Variants in C8orf34 observed in about 807,000 individuals in gnomAD.
C8orf34 encodes the protein uncharacterized protein C8orf34.
C8orf34 carries 65 observed loss-of-function variants against 68.3 expected under a neutral mutation model. The ratio of observed to expected loss-of-function variants is 0.95; its 90% CI spans 0.78 to 1.17. The LOEUF is 1.17. C8orf34 is among the 50% of genes most tolerant of loss of function. C8orf34 has a pLI of 0.00. For missense variants in C8orf34, 664 were observed against 655.4 expected, an observed-to-expected ratio of 1.01 and a Z score of -0.14; for synonymous variants, 244 against 241.2, an observed-to-expected ratio of 1.01 and a Z score of -0.11.
At chr8:68,365,114 A>C (rs1435716157) in intron 1 of C8orf34, among the ~76,000 whole-genome samples, 5 of 147,160 alleles carry the variant, frequency 3.4e-5, no homozygotes, top group Admixed American at 6.8e-5. Context: ...AATACTACAA[A>C]CACCTCTACG....
chr8:68,658,018 A>T (rs1030627681), intron 8 of C8orf34, among the ~76,000 whole-genome samples: 4 of 152,068 alleles, frequency 2.6e-5, no homozygotes, highest in African/African-American at 9.7e-5. Flanking sequence ...TTTTTTCTTT[A>T]TGAGCAAGAA....
chr8:68,462,981 C>CA (rs1187117951), intron 3 of C8orf34, among the ~76,000 whole-genome samples: 5 of 151,852 alleles, frequency 3.3e-5, no homozygotes, highest in African/African-American at 1.2e-4. Flanking sequence ...GAAAACCCTT[C>CA]AAAAAATTAA....
In C8orf34 at chr8:68,787,672, A is replaced by G. The variant is rs931635504; in HGVS notation, c.1549+136A>G. On this transcript the variant is annotated intron_variant, in intron 12 of 13. Coordinates refer to ENST00000518698, the MANE Select transcript of C8orf34 (RefSeq NM_052958.4). ...CAGACTCTGTTAGGAAGAACATGTA[A>G]AGACAAGCTATCCTTCAGGTCTATG... 8.4e-5 allele frequency: 46 copies of G among 547,174 alleles called. No homozygotes were observed. In the South Asian group the frequency reaches 1.2e-3, roughly 14 times the overall value. The allele number at this position is 547,174 out of a possible 1,614,324, so 33.9% of individuals were successfully genotyped here.
At chr8:68,612,078 A>G (rs2130566247) in intron 7 of C8orf34, among the ~76,000 whole-genome samples, 1 of 152,116 alleles carries the variant, frequency 6.6e-6, no homozygotes, top group Admixed American at 6.6e-5. Flanking sequence ...TGTGAAATGA[A>G]CATGCAGGAT....
chr8:68,764,878 A>G (rs945078574), intron 10 of C8orf34, among the ~76,000 whole-genome samples: 3 of 152,180 alleles, frequency 2.0e-5, no homozygotes, highest in Non-Finnish European at 4.4e-5. Context: ...ACTCCTGAAA[A>G]CTTATTTGTA....
At chr8:68,469,717 T>C (rs1254593195) in intron 4 of C8orf34, among the ~76,000 whole-genome samples, 3 of 152,042 alleles carry the variant, frequency 2.0e-5, no homozygotes, top group Non-Finnish European at 4.4e-5. Flanking sequence ...TGCCATGGAA[T>C]ACTACAGAAT....
intron 1 of C8orf34, among the ~76,000 whole-genome samples, chr8:68,423,765 AG>A (rs1304241293): frequency 1.6e-4 from 25 of 152,170 alleles, no homozygotes; most frequent in Admixed American, 9.2e-4. Flanking sequence ...TAAAGAAAGG[AG>A]GTTTAATTGG....
intron 3 of C8orf34, among the ~76,000 whole-genome samples, chr8:68,465,140 G>T (rs575240225): frequency 1.3e-5 from 2 of 152,216 alleles, no homozygotes; most frequent in African/African-American, 4.8e-5. Flanking sequence ...AGTGGGCAAA[G>T]GACATGAACC....
At chr8:68,457,955 T>A (rs1462826999) in intron 3 of C8orf34, among the ~76,000 whole-genome samples, 1 of 152,122 alleles carries the variant, frequency 6.6e-6, no homozygotes, top group African/African-American at 2.4e-5. Context: ...TTTAGAGATG[T>A]TCTCATCCAA....
At chr8:68,545,383 A>G (rs531996798) in intron 7 of C8orf34, among the ~76,000 whole-genome samples, 71 of 152,268 alleles carry the variant, frequency 4.7e-4, no homozygotes, top group African/African-American at 1.6e-3. Flanking sequence ...CTTTTTATAA[A>G]TTACCTAGTC....
At chr8:68,688,719 C>T (rs758022794) in intron 8 of C8orf34, among the ~76,000 whole-genome samples, 10 of 152,166 alleles carry the variant, frequency 6.6e-5, no homozygotes, top group East Asian at 5.8e-4. Flanking sequence ...TCATACTCAG[C>T]AAACTAACAC....
At chr8:68,586,129 A>G (rs1267762509) in intron 7 of C8orf34, among the ~76,000 whole-genome samples, 2 of 152,148 alleles carry the variant, frequency 1.3e-5, no homozygotes, top group Non-Finnish European at 2.9e-5. Context: ...AGAGGAAGAT[A>G]TAGTCTACAT....
chr8:68,560,682 C>T (rs1268793438), intron 7 of C8orf34, among the ~76,000 whole-genome samples: 1 of 152,108 alleles, frequency 6.6e-6, no homozygotes. Context: ...TGCATCTAAA[C>T]TTATCTAAAC....
chr8:68,580,180 C>T (rs1451587083), intron 7 of C8orf34, among the ~76,000 whole-genome samples: 1 of 151,966 alleles, frequency 6.6e-6, no homozygotes, highest in African/African-American at 2.4e-5. Context: ...AAAATCTCTG[C>T]AGAACAAGAG....
At chr8:68,649,877 T>C (rs889835448) in intron 8 of C8orf34, among the ~76,000 whole-genome samples, 1 of 152,128 alleles carries the variant, frequency 6.6e-6, no homozygotes, top group Non-Finnish European at 1.5e-5. Flanking sequence ...CAATTTTCTG[T>C]ATGAACCTGG....
At chr8:68,725,856 A>C (rs1453865817) in intron 10 of C8orf34, among the ~76,000 whole-genome samples, 1 of 152,176 alleles carries the variant, frequency 6.6e-6, no homozygotes, top group Non-Finnish European at 1.5e-5. Flanking sequence ...AATGAAAAGG[A>C]GATAAGTATT....
intron 7 of C8orf34, among the ~76,000 whole-genome samples, chr8:68,639,958 A>G (rs1242735433): frequency 1.3e-5 from 2 of 152,148 alleles, no homozygotes; most frequent in Non-Finnish European, 2.9e-5. Context: ...TTTGAAACAT[A>G]TTTGGTTTTG....
intron 5 of C8orf34, among the ~76,000 whole-genome samples, chr8:68,504,877 C>T (rs1813938901): frequency 6.6e-6 from 1 of 151,966 alleles, no homozygotes; most frequent in South Asian, 2.1e-4. Context: ...TGGTGTTTCA[C>T]CATGCTGGCC....
At chr8:68,576,813 A>G (rs550197683) in intron 7 of C8orf34, among the ~76,000 whole-genome samples, 6 of 152,136 alleles carry the variant, frequency 3.9e-5, no homozygotes, top group African/African-American at 1.4e-4. Context: ...TTGTAAATCA[A>G]AAGGGAATAA....
Sources: gnomAD v4.1 joint callset for allele counts (sites outside exome capture counted in the v4.1 genomes callset) on GRCh38, gnomAD v4.1.1 for gene constraint, MANE v1.5 for transcripts, NCBI Gene and HGNC (gene_info 2026-07-23, HGNC 2026-07-21) for gene names.